The following PLCB1 variants were observed in gnomAD, a reference collection of about 807,000 sequenced individuals.
PLCB1 encodes 1-phosphatidylinositol 4,5-bisphosphate phosphodiesterase beta-1.
Under a neutral mutation model 161.8 loss-of-function variants are expected in PLCB1, and 46 were observed. That is an observed-to-expected ratio of 0.28 (90% CI 0.22 to 0.36). The LOEUF (loss-of-function observed/expected upper bound fraction) is 0.36, where lower values mean the gene tolerates loss of function less well. Ranked by LOEUF, PLCB1 falls within the 10% of genes least tolerant of loss-of-function variation. PLCB1 has a pLI of 1.00. For synonymous variants in PLCB1, 517 were observed against 503.7 expected, an observed-to-expected ratio of 1.03 and a Z score of -0.35; for missense variants, 1,016 against 1,472.5, an observed-to-expected ratio of 0.69 and a Z score of 5.07.
intron 2 of PLCB1, among the ~76,000 whole-genome samples, chr20:8,297,895 T>G (rs933707531): frequency 3.6e-4 from 54 of 151,430 alleles, no homozygotes; most frequent in African/African-American, 1.3e-3. Context: ...TTTTTGGGTT[T>G]TTTTTTTTTT....
intron 2 of PLCB1, among the ~76,000 whole-genome samples, chr20:8,244,367 G>T (rs1980769806): frequency 6.6e-6 from 1 of 151,878 alleles, no homozygotes; most frequent in Non-Finnish European, 1.5e-5. Flanking sequence ...TAAACAAATT[G>T]TAGTATATTC....
At chr20:8,823,626 C>G (rs1479828644) in intron 31 of PLCB1, among the ~76,000 whole-genome samples, 1 of 152,152 alleles carries the variant, frequency 6.6e-6, no homozygotes, top group Non-Finnish European at 1.5e-5. Context: ...ATACCTGTGG[C>G]CATTTTTGAA....
chr20:8,739,151 A>G (rs1219967336), intron 20 of PLCB1, 110 bp from the exon 21 acceptor site: 1 of 759,892 alleles, frequency 1.3e-6, no homozygotes, highest in Non-Finnish European at 2.3e-6. Context: ...ACTCTATCTC[A>G]AAAAAAGAAA....
chr20:8,828,587 A>ACTT (rs1985828534), intron 31 of PLCB1, among the ~76,000 whole-genome samples: 2 of 152,188 alleles, frequency 1.3e-5, no homozygotes, highest in African/African-American at 4.8e-5. Flanking sequence ...ACATGCAAGA[A>ACTT]CTTCATTAAG....
intron 10 of PLCB1, 25 bp from the exon 11 acceptor site, chr20:8,697,601 G>A (rs1347158517): frequency 6.2e-7 from 1 of 1,612,950 alleles, no homozygotes; most frequent in Non-Finnish European, 8.5e-7. Context: ...GGGAATCTGG[G>A]GTTTGTTTTG....
intron 3 of PLCB1, among the ~76,000 whole-genome samples, chr20:8,458,560 C>CA (rs2122676651): frequency 6.6e-6 from 1 of 152,292 alleles, no homozygotes; most frequent in South Asian, 2.1e-4. Context: ...ATTGCCCAGG[C>CA]CTTCACTCTT....
intron 2 of PLCB1, among the ~76,000 whole-genome samples, chr20:8,351,093 GACTTACTATAA>G (rs1986162958): frequency 6.6e-6 from 1 of 152,028 alleles, no homozygotes; most frequent in Non-Finnish European, 1.5e-5. Context: ...TATGATTTAA[GACTTACTATAA>G]AGCTACAATA....
At chr20:8,158,895 C>T (rs1251239475) in intron 2 of PLCB1, among the ~76,000 whole-genome samples, 1 of 152,208 alleles carries the variant, frequency 6.6e-6, no homozygotes, top group East Asian at 1.9e-4. Context: ...CAACTCCGCC[C>T]CTGTGGCTTT....
chr20:8,373,091 C>T (rs1260006383), intron 3 of PLCB1, among the ~76,000 whole-genome samples: 5 of 152,190 alleles, frequency 3.3e-5, no homozygotes, highest in Non-Finnish European at 7.3e-5. Flanking sequence ...CTGTACTGTG[C>T]TCAGCTGATA....
chr20:8,407,151 T>A (rs1009328966), intron 3 of PLCB1, among the ~76,000 whole-genome samples: 1 of 152,194 alleles, frequency 6.6e-6, no homozygotes, highest in Non-Finnish European at 1.5e-5. Context: ...AACAAATGGA[T>A]AAATTTGAAA....
chr20:8,650,377 G>A (rs1381664295), intron 7 of PLCB1, among the ~76,000 whole-genome samples: 2 of 152,040 alleles, frequency 1.3e-5, no homozygotes, highest in Non-Finnish European at 2.9e-5. Flanking sequence ...ATGATCCAAT[G>A]ACCCAAAAAT....
chr20:8,771,606 T>G (rs1982679732), intron 26 of PLCB1, among the ~76,000 whole-genome samples: 1 of 152,086 alleles, frequency 6.6e-6, no homozygotes, highest in Non-Finnish European at 1.5e-5. Flanking sequence ...GATAATGCCT[T>G]CAACTTTGTT....
chr20:8,408,908 G>A (rs1978908838), intron 3 of PLCB1, among the ~76,000 whole-genome samples: 1 of 152,154 alleles, frequency 6.6e-6, no homozygotes, highest in Non-Finnish European at 1.5e-5. Flanking sequence ...TAATAGCTAT[G>A]TAATCTTATC....
At position 8,633,101 on chromosome 20, in the gene PLCB1, TACACACACACACACAC is replaced by T. The variant is rs58802999; in HGVS notation, c.384+4702_384+4717del. ...AAAGGAATCCAAATTTGCATGTATG[TACACACACACACACAC>T]ACACACACACACACACACACACACA... On this transcript the variant is annotated intron_variant, in intron 4 of 31. Transcript: ENST00000338037. Among the ~76,000 whole-genome samples the T allele has an allele frequency of 9.3e-4, 132 of 142,348 alleles. 1 individual carries two copies. Among genetic ancestry groups the T allele is most frequent in the African/African-American group, 2.6e-3 (100 of 37,898 alleles). The allele number at this position is 142,348 out of a possible 152,430, so 93.4% of individuals were successfully genotyped here.
At chr20:8,436,344 A>G (rs995047094) in intron 3 of PLCB1, among the ~76,000 whole-genome samples, 1 of 150,108 alleles carries the variant, frequency 6.7e-6, no homozygotes, top group African/African-American at 2.4e-5. Context: ...AAAAAAAAAA[A>G]GAATATTGAA....
In PLCB1 at chr20:8,209,900, C is replaced by T. The variant is rs1056290434; in HGVS notation, c.177+59529C>T. On this transcript the variant is annotated intron_variant, in intron 2 of 31. Coordinates refer to ENST00000338037, the MANE Select transcript of PLCB1 (RefSeq NM_015192.4). ...TTACCCATGCTAGAGTGCAGTGGAG[C>T]GATCCTAGCTCTATATAACATTGAA... Among the ~76,000 whole-genome samples the T allele has an allele frequency of 5.3e-5, 8 of 152,056 alleles. No individual in the cohort carries two copies. In the South Asian group the frequency reaches 6.2e-4, roughly 12 times the overall value.
At chr20:8,300,847 GATGATAT>G (rs971009032) in intron 2 of PLCB1, among the ~76,000 whole-genome samples, 4 of 152,168 alleles carry the variant, frequency 2.6e-5, no homozygotes, top group Non-Finnish European at 5.9e-5. Flanking sequence ...TCAAGGTGCA[GATGATAT>G]ATCCTCACTA....
At chr20:8,792,714 G>T (rs2146226113) in intron 31 of PLCB1, 1 of 446,778 alleles carries the variant, frequency 2.2e-6, no homozygotes, top group Middle Eastern at 3.4e-4. Flanking sequence ...TTTCTTGAGG[G>T]TTTTTCTTCA....
Position 8,212,923 on chromosome 20 carries a change from AT to A in PLCB1, c.177+62562del, listed in dbSNP as rs11468623. 9.8e-3 allele frequency among the ~76,000 whole-genome samples: 1,475 copies of A among 150,966 alleles called. 24 individuals are homozygous for A. Among genetic ancestry groups the A allele is most frequent in the African/African-American group, 0.03 (1,241 of 41,238 alleles). ...GCTATATCAAAAGTTGACATTGTAG[AT>A]TTTTTTTTTCTTTGCAAATCTGTAT... On this transcript the variant is annotated intron_variant, in intron 2 of 31. Coordinates refer to ENST00000338037, the MANE Select transcript of PLCB1 (RefSeq NM_015192.4).
Sources: gnomAD v4.1 joint callset for allele counts (sites outside exome capture counted in the v4.1 genomes callset) on GRCh38, gnomAD v4.1.1 for gene constraint, MANE v1.5 for transcripts, NCBI Gene and HGNC (gene_info 2026-07-23, HGNC 2026-07-21) for gene names.